The following HDAC9 variants were observed in gnomAD, a reference collection of about 807,000 sequenced individuals.
HDAC9 encodes MEF-2 interacting transcription repressor (MITR) protein.
HDAC9 carries 41 observed loss-of-function variants against 139.4 expected under a neutral mutation model. The ratio of observed to expected loss-of-function variants is 0.29; its 90% confidence interval spans 0.23 to 0.38. HDAC9 has a LOEUF of 0.38. Among genes scored for constraint, HDAC9 ranks in the 10% least tolerant of loss-of-function variants. The pLI is 1.00. For synonymous variants in HDAC9, 517 were observed against 476.2 expected (o/e 1.09, Z -1.12); for missense variants, 1,147 against 1,297.0 (o/e 0.88, Z 1.78).
At chr7:18,125,640 A>G (rs926318482) in intron 1 of HDAC9, among the ~76,000 whole-genome samples, 1 of 152,082 alleles carries the variant, frequency 6.6e-6, no homozygotes, top group African/African-American at 2.4e-5. Flanking sequence ...TCGGCATACC[A>G]TTCATATTTA....
chr7:18,999,183 T>C lies in HDAC9; in HGVS notation c.*3121T>C, dbSNP rs1040619193. 6.6e-6 allele frequency: 1 copy of C among 152,134 alleles called. No homozygotes were observed. Among genetic ancestry groups the C allele is most frequent in the African/African-American group, 2.4e-5 (1 of 41,406 alleles). 9.4% of individuals were successfully genotyped at this position (152,134 alleles called of 1,614,324 possible). A position where few individuals can be genotyped will look rare whatever the true frequency, so the allele number is the denominator to read the frequency against. On this transcript the variant is annotated 3_prime_UTR_variant, in exon 26 of 26. Transcript: ENST00000686413. ...CCATTACCAATCCTGGGGATGGAAA[T>C]ATTGCCTTCAGTTTTTACTCCAGCC... is the stretch of plus-strand genomic sequence containing the variant.
intron 16 of HDAC9, among the ~76,000 whole-genome samples, chr7:18,768,362 T>TCC (rs1415333102): frequency 6.6e-6 from 1 of 151,994 alleles, no homozygotes; most frequent in African/African-American, 2.4e-5. Flanking sequence ...AGTCTCAGCT[T>TCC]CCCCCCACTC....
At chr7:18,307,400 G>A (rs1274204038) in intron 1 of HDAC9, among the ~76,000 whole-genome samples, 1 of 152,080 alleles carries the variant, frequency 6.6e-6, no homozygotes, top group Non-Finnish European at 1.5e-5. Flanking sequence ...AATTGTTCAA[G>A]ACCATTATAA....
At position 18,835,953 on chromosome 7, in the gene HDAC9, C is replaced by T; in HGVS notation, c.2640C>T (p.Gly880=). The T allele has an allele frequency of 6.4e-7, 1 of 1,566,114 alleles. No homozygotes were observed. Among genetic ancestry groups the T allele is most frequent in the Admixed American group, 1.9e-5 (1 of 53,688 alleles). ...ATATAAATATTGCCTGGACAGGTGG[C>T]CTTGATCCTCCCATGGGAGATGTTG... ...GYNINIAWTG[G]LDPPMGDVEY... Residue 880 remains glycine (G), a synonymous_variant, in exon 21 of 26, where the codon GGC becomes GGT. Coordinates refer to ENST00000686413, the MANE Select transcript of HDAC9 (RefSeq NM_178425.4).
Position 18,255,640 on chromosome 7 carries a change from T to TTG in HDAC9, c.25+93292_25+93293insGT, listed in dbSNP as rs1458035072. On this transcript the variant is annotated intron_variant, in intron 2 of 12. Coordinates refer to the HDAC9 transcript ENST00000417496. ...CTTTTTCTTTCCTTTTTTTTTTTTTTTTTTTGGAGATGGAGTCTCGCCCTG... is the reference window on the plus strand; with the variant it reads ...CTTTTTCTTTCCTTTTTTTTTTTTTTTGTTTTTGGAGATGGAGTCTCGCCCTG... Among the ~76,000 whole-genome samples, 21 of 147,768 alleles carry TTG rather than the reference T, an allele frequency of 1.4e-4. 1 individual carries two copies. The East Asian group carries it at 4.1e-3, about 29-fold the overall frequency.
At chr7:18,840,501 T>G (rs1024527376) in intron 21 of HDAC9, among the ~76,000 whole-genome samples, 6 of 152,008 alleles carry the variant, frequency 3.9e-5, no homozygotes, top group African/African-American at 1.4e-4. Context: ...AGTCAAAATT[T>G]TGGGGGTTAT....
intron 1 of HDAC9, among the ~76,000 whole-genome samples, chr7:18,113,828 CA>C: frequency 6.6e-6 from 1 of 152,232 alleles, no homozygotes; most frequent in Middle Eastern, 3.4e-3. Flanking sequence ...GGTAGTTTGA[CA>C]TTTCAAATCT....
At chr7:18,504,242 TTGTTTTTTTC>T (rs1165441056) in intron 2 of HDAC9, among the ~76,000 whole-genome samples, 6 of 152,224 alleles carry the variant, frequency 3.9e-5, no homozygotes, top group Non-Finnish European at 5.9e-5. Flanking sequence ...CCACCCGTTT[TTGTTTTTTTC>T]TGTCATACTC....
chr7:18,766,815 A>T (rs1253045150), intron 15 of HDAC9, among the ~76,000 whole-genome samples: 1 of 152,196 alleles, frequency 6.6e-6, no homozygotes, highest in Non-Finnish European at 1.5e-5. Flanking sequence ...TTAGAAAAAA[A>T]TCTTGTGACC....
chr7:18,442,978 C>G (rs1791928523), intron 1 of HDAC9, among the ~76,000 whole-genome samples: 1 of 152,184 alleles, frequency 6.6e-6, no homozygotes, highest in South Asian at 2.1e-4. Context: ...AGCTGATTGA[C>G]TCCTAATAAT....
At chr7:18,879,697 A>C (rs940743476) in intron 22 of HDAC9, among the ~76,000 whole-genome samples, 24 of 152,164 alleles carry the variant, frequency 1.6e-4, no homozygotes, top group African/African-American at 5.5e-4. Flanking sequence ...AAAACCCAAA[A>C]CTATAAAAAC....
chr7:18,911,688 GTTGT>G lies in HDAC9; in HGVS notation c.2804-24118_2804-24115del, dbSNP rs1406533021. Among the ~76,000 whole-genome samples, 9 of 151,358 alleles carry G rather than the reference GTTGT, an allele frequency of 5.9e-5. No homozygotes were observed. In the South Asian group the frequency reaches 6.3e-4, roughly 11 times the overall value. On this transcript the variant is annotated intron_variant, in intron 22 of 25. Coordinates refer to ENST00000686413, the MANE Select transcript of HDAC9 (RefSeq NM_178425.4). ...TGCTGTATCCCATGGGTTTTGGTGA[GTTGT>G]TTTTCTATTTTCATTTGTTCCAAGA...
Position 18,567,869 on chromosome 7 carries a change from A to G in HDAC9, c.23-17412A>G, listed in dbSNP as rs191140933. On this transcript the variant is annotated intron_variant, in intron 2 of 25. Coordinates refer to ENST00000686413, the MANE Select transcript of HDAC9 (RefSeq NM_178425.4). Reference sequence around the variant, plus strand: ...CTCAAGGTTTTAAAACATTCAGAATAAACTATATCAACCCACACATTAACA... The same window carrying G: ...CTCAAGGTTTTAAAACATTCAGAATGAACTATATCAACCCACACATTAACA... 1.0e-2 allele frequency among the ~76,000 whole-genome samples: 1,516 copies of G among 152,044 alleles called. 10 individuals are homozygous for G. Among genetic ancestry groups the G allele is most frequent in the Non-Finnish European group, 0.016 (1,108 of 67,938 alleles).
Position 18,766,955 on chromosome 7 carries a change from GT to G in HDAC9, c.2165-149del, listed in dbSNP as rs1366507260. The G allele has an allele frequency of 4.9e-5, 22 of 450,292 alleles. No homozygotes were observed. In the East Asian group the frequency reaches 6.5e-4, roughly 13 times the overall value. 27.9% of individuals were successfully genotyped at this position (450,292 alleles called of 1,614,324 possible). The stretch of plus-strand genomic sequence containing the variant: ...AGAACAATGATATTCTGAAAATTGT[GT>G]TGAATAATTGGTCTGAAGTTTTATT... On this transcript the variant is annotated intron_variant, in intron 15 of 25. Coordinates refer to ENST00000686413, the MANE Select transcript of HDAC9 (RefSeq NM_178425.4).
chr7:18,955,736 G>T (rs533337382), intron 24 of HDAC9, among the ~76,000 whole-genome samples: 1 of 152,028 alleles, frequency 6.6e-6, no homozygotes, highest in Non-Finnish European at 1.5e-5. Context: ...GACAAGGGGC[G>T]GTCTGTTTCT....
At chr7:18,909,139 T>C (rs977887686) in intron 22 of HDAC9, among the ~76,000 whole-genome samples, 1 of 152,084 alleles carries the variant, frequency 6.6e-6, no homozygotes, top group African/African-American at 2.4e-5. Flanking sequence ...ATTTTCCTGA[T>C]GATTAGGGAG....
In HDAC9 at chr7:18,998,193, T is replaced by C. The variant is rs1786571412; in HGVS notation, c.*2131T>C. 1 of 150,640 alleles carries C rather than the reference T, an allele frequency of 6.6e-6. No homozygotes were observed. Among genetic ancestry groups the C allele is most frequent in the Non-Finnish European group, 1.5e-5 (1 of 67,890 alleles). 9.3% of individuals were successfully genotyped at this position (150,640 alleles called of 1,614,324 possible). On this transcript the variant is annotated 3_prime_UTR_variant, in exon 26 of 26. Transcript: ENST00000686413. ...AGTTTTAAAATCAACTTCATAATTA[T>C]AAATCTCTGTCATTACTTTTTAGTC...
At chr7:18,698,696 C>T (rs1182736) in intron 12 of HDAC9, among the ~76,000 whole-genome samples, 21,400 of 152,154 alleles carry the variant, frequency 0.14, 1,928 homozygotes, top group East Asian at 0.29. Flanking sequence ...TGCTGCCTTG[C>T]GGCCACTGCC....
intron 12 of HDAC9, among the ~76,000 whole-genome samples, chr7:18,711,661 G>C (rs1784354624): frequency 6.6e-6 from 1 of 152,186 alleles, no homozygotes; most frequent in Non-Finnish European, 1.5e-5. Context: ...AATCCTCAGA[G>C]TGCAAAGTGA....
Sources: gnomAD v4.1 joint callset for allele counts (sites outside exome capture counted in the v4.1 genomes callset) on GRCh38, gnomAD v4.1.1 for gene constraint, MANE v1.5 for transcripts, NCBI Gene and HGNC (gene_info 2026-07-23, HGNC 2026-07-21) for gene names.